MICU1: variants seen among roughly 807,000 people sequenced by gnomAD.
MICU1 encodes the protein mitochondrial calcium uptake 1.
A neutral mutation model predicts 56.8 loss-of-function variants in MICU1; 45 were observed. The observed-to-expected ratio is 0.79, with a 90% CI of 0.62 to 1.02. The LOEUF is 1.02. MICU1 is among the 50% of genes least tolerant of loss of function. The probability of loss-of-function intolerance (pLI) is 0.00; values close to 1 mark genes in which losing one functional copy is unlikely to be tolerated. For missense variants in MICU1, 504 were observed against 587.1 expected, an observed-to-expected ratio of 0.86 and a Z score of 1.46; for synonymous variants, 186 against 195.1, an observed-to-expected ratio of 0.95 and a Z score of 0.39.
chr10:72,497,433 C>T (rs952774156), intron 6 of MICU1, among the ~76,000 whole-genome samples: 4 of 152,164 alleles, frequency 2.6e-5, no homozygotes, highest in Non-Finnish European at 4.4e-5. Context: ...TAATCAAACA[C>T]TATTAAGCCG....
intron 8 of MICU1, among the ~76,000 whole-genome samples, chr10:72,456,946 GGTGTGTGTGT>G (rs71018292): frequency 5.3e-4 from 62 of 117,784 alleles, no homozygotes; most frequent in South Asian, 1.2e-3. Context: ...ATATTGCCCA[GGTGTGTGTGT>G]GTGTGTGTGT....
intron 10 of MICU1, among the ~76,000 whole-genome samples, chr10:72,396,131 C>A (rs946947921): frequency 9.9e-5 from 15 of 152,166 alleles, no homozygotes; most frequent in African/African-American, 3.6e-4. Flanking sequence ...GCTGGTGATA[C>A]CCAGGCAAAC....
At chr10:72,505,827 G>A (rs1204513771) in intron 6 of MICU1, among the ~76,000 whole-genome samples, 1 of 152,132 alleles carries the variant, frequency 6.6e-6, no homozygotes, top group Non-Finnish European at 1.5e-5. Context: ...TAGAGCGGGA[G>A]GGGGACAAGG....
chr10:72,396,020 C>T (rs1288468511), intron 10 of MICU1, among the ~76,000 whole-genome samples: 1 of 152,196 alleles, frequency 6.6e-6, no homozygotes, highest in Non-Finnish European at 1.5e-5. Context: ...GAGACAACTC[C>T]CAGTAGGGGC....
intron 8 of MICU1, among the ~76,000 whole-genome samples, chr10:72,462,310 C>A (rs1425044371): frequency 6.7e-6 from 1 of 149,940 alleles, no homozygotes; most frequent in African/African-American, 2.5e-5. Context: ...TTGACCTCCT[C>A]GGACTCAGGT....
At chr10:72,398,671 C>A (rs980558984) in intron 10 of MICU1, among the ~76,000 whole-genome samples, 5 of 152,120 alleles carry the variant, frequency 3.3e-5, no homozygotes, top group Non-Finnish European at 7.4e-5. Flanking sequence ...CACCTCTACA[C>A]AAATAAACTA....
chr10:72,454,749 C>CT (rs1865403756), intron 8 of MICU1, among the ~76,000 whole-genome samples: 1 of 149,612 alleles, frequency 6.7e-6, no homozygotes, highest in Non-Finnish European at 1.5e-5. Context: ...CACCACTGCA[C>CT]TCCAGCCTGG....
rs1016492305 is a variant in MICU1, at chr10:72,621,447, G to A, written c.-2+4563C>T. On this transcript the variant is annotated intron_variant, in intron 1 of 11. Coordinates refer to ENST00000361114, the MANE Select transcript of MICU1 (RefSeq NM_001195518.2). ...GCGGAGGTTGCAGTGAGCCAAGAAC[G>A]CGCCATTGCACTCCAGCCTGGGCGA... Among the ~76,000 whole-genome samples, 19 of 151,992 alleles carry A rather than the reference G, an allele frequency of 1.3e-4. No individual in the cohort carries two copies. In the East Asian group the frequency reaches 2.1e-3, roughly 17 times the overall value.
chr10:72,388,404 T>G (rs977160914), intron 10 of MICU1, among the ~76,000 whole-genome samples: 1 of 152,210 alleles, frequency 6.6e-6, no homozygotes, highest in Non-Finnish European at 1.5e-5. Flanking sequence ...GTTTCCTCAG[T>G]GAAAAGTAAT....
intron 4 of MICU1, among the ~76,000 whole-genome samples, chr10:72,546,923 G>C (rs939334292): frequency 6.9e-6 from 1 of 145,842 alleles, no homozygotes; most frequent in Non-Finnish European, 1.5e-5. Flanking sequence ...ATGGAGTCTC[G>C]CTCTGTCGCC....
rs905106019 is a variant in MICU1, at chr10:72,509,498, T to C, written c.538-1229A>G. On this transcript the variant is annotated intron_variant, in intron 5 of 11. Transcript: ENST00000361114. ...CACGAATCATCGTGAAGTCAGTTTG[T>C]ATGATCTTCTCAATAAACTCATTCA... 6.1e-6 allele frequency: 6 copies of C among 983,074 alleles called. No homozygotes were observed. The East Asian group carries it at 2.4e-4, about 39-fold the overall frequency. The allele number at this position is 983,074 out of a possible 1,614,324, so 60.9% of individuals were successfully genotyped here.
chr10:72,402,019 G>T (rs1863471348), intron 10 of MICU1, among the ~76,000 whole-genome samples: 1 of 152,064 alleles, frequency 6.6e-6, no homozygotes, highest in Non-Finnish European at 1.5e-5. Context: ...AAGCAAGATT[G>T]TTCTATATCT....
At chr10:72,475,341 G>A in intron 7 of MICU1, 44 bp from the exon 8 acceptor site, 1 of 1,478,250 alleles carries the variant, frequency 6.8e-7, no homozygotes. Flanking sequence ...ATTAGGAAGT[G>A]AGAAAACATA....
intron 10 of MICU1, among the ~76,000 whole-genome samples, chr10:72,396,987 T>C (rs1863288422): frequency 6.6e-6 from 1 of 152,218 alleles, no homozygotes; most frequent in Non-Finnish European, 1.5e-5. Context: ...GTTGTCAGAT[T>C]CACCAAGGTT....
chr10:72,586,038 A>T (rs1841050026), intron 1 of MICU1, among the ~76,000 whole-genome samples: 1 of 66,968 alleles, frequency 1.5e-5, no homozygotes, highest in Admixed American at 2.1e-4. Context: ...TTTTTGAGAC[A>T]GGGTATCGCT....
At chr10:72,504,183 C>A (rs913113603) in intron 6 of MICU1, among the ~76,000 whole-genome samples, 2 of 152,072 alleles carry the variant, frequency 1.3e-5, no homozygotes, top group Admixed American at 6.6e-5. Flanking sequence ...CCAAAGCAAT[C>A]CTAAGCGAAA....
intron 8 of MICU1, among the ~76,000 whole-genome samples, chr10:72,452,788 A>T (rs1276040307): frequency 6.6e-6 from 1 of 151,686 alleles, no homozygotes; most frequent in Admixed American, 6.6e-5. Flanking sequence ...TCTCATAAAT[A>T]GGGTTTGACA....
chr10:72,553,762 G>C (rs964956460), intron 3 of MICU1, among the ~76,000 whole-genome samples: 1 of 152,054 alleles, frequency 6.6e-6, no homozygotes, highest in African/African-American at 2.4e-5. Flanking sequence ...TGAAATAATA[G>C]GTCAAAGAAA....
chr10:72,402,769 C>T (rs55922723), intron 10 of MICU1, among the ~76,000 whole-genome samples: 6,359 of 152,098 alleles, frequency 0.042, 353 homozygotes, highest in African/African-American at 0.12. Flanking sequence ...TTCGGCTGGG[C>T]GGCATGGTGG....
Sources: allele counts gnomAD v4.1 joint callset (sites outside exome capture counted in the v4.1 genomes callset), GRCh38; gene constraint gnomAD v4.1.1; transcripts MANE v1.5; gene names NCBI Gene and HGNC (gene_info 2026-07-23, HGNC 2026-07-21).